The following TTF2 variants were observed in gnomAD, a reference collection of about 807,000 sequenced individuals.
TTF2 encodes the protein transcription termination factor 2.
In TTF2, 108 loss-of-function variants were observed where a neutral mutation model predicts 142.4. That is an observed-to-expected ratio of 0.76 (90% confidence interval 0.65 to 0.89). The LOEUF is 0.89. TTF2 is among the 40% of genes least tolerant of loss of function. The pLI, the probability that TTF2 is intolerant of heterozygous loss-of-function variation, is 0.00. For missense variants in TTF2, 1,327 were observed against 1,379.8 expected (o/e 0.96, Z 0.61); for synonymous variants, 483 against 506.2 (o/e 0.95, Z 0.61).
At chr1:117,089,220 T>TATATATGCAAA (rs1157868094) in intron 13 of TTF2, among the ~76,000 whole-genome samples, 3 of 148,818 alleles carry the variant, frequency 2.0e-5, no homozygotes, top group African/African-American at 7.4e-5. Flanking sequence ...TATAGGACTT[T>TATATATGCAAA]ATATATGCAA....
At chr1:117,081,668 A>G (rs1311545453) in intron 9 of TTF2, among the ~76,000 whole-genome samples, 160 bp from the exon 10 acceptor site, 1 of 152,262 alleles carries the variant, frequency 6.6e-6, no homozygotes, top group East Asian at 1.9e-4. Flanking sequence ...TCTGCTGAAT[A>G]AGGAAGATAA....
At position 117,092,768 on chromosome 1, in the gene TTF2, TC is replaced by T. The variant is rs776199971; in HGVS notation, c.2845del (p.Leu949PhefsTer10). 6.2e-7 allele frequency: 1 copy of T among 1,614,198 alleles called. No homozygotes were observed. The highest frequency in any genetic ancestry group is 8.5e-7 in the Non-Finnish European group (1 of 1,180,036). On this transcript the variant is annotated frameshift_variant, in exon 18 of 23. Coordinates refer to ENST00000369466, the MANE Select transcript of TTF2 (RefSeq NM_003594.4). LOFTEE classifies it high-confidence loss of function. This position sits in a 1 kb window ranked among gnomAD's most constrained non-coding sequence, Gnocchi z 4.4. ...ATGGAACTGAAGGGTGAAGGTCTTG[TC>T]CTTTCCCTGGAAGAACAGCTCAGTG... ...DPMELKGEGL[V>X]LSLEEQLSAL...
In TTF2 at chr1:117,076,548, A is replaced by G. The variant is rs1657022218; in HGVS notation, c.1391-93A>G. 7.5e-7 allele frequency: 1 copy of G among 1,335,120 alleles called. No individual in the cohort carries two copies. The highest frequency in any genetic ancestry group is 2.4e-5 in the Admixed American group (1 of 40,918). 82.7% of individuals were successfully genotyped at this position (1,335,120 alleles called of 1,614,324 possible). A position where few individuals can be genotyped will look rare whatever the true frequency, so the allele number is the denominator to read the frequency against. On this transcript the variant is annotated intron_variant, in intron 6 of 22. Coordinates refer to ENST00000369466, the MANE Select transcript of TTF2 (RefSeq NM_003594.4). This position sits in a 1 kb window ranked among gnomAD's most constrained non-coding sequence, Gnocchi z 4.6. ...CTAGGAATCCTTCATCGGAATGGTGATGATCCCTCTCTCTTGACCTCACCT... is the reference window on the plus strand; with the variant it reads ...CTAGGAATCCTTCATCGGAATGGTGGTGATCCCTCTCTCTTGACCTCACCT...
At chr1:117,084,462 C>G (rs112639782) in intron 11 of TTF2, among the ~76,000 whole-genome samples, 28 of 152,320 alleles carry the variant, frequency 1.8e-4, no homozygotes, top group African/African-American at 6.5e-4. Context: ...GGAGATGTGT[C>G]GCAAGGCCCT....
In TTF2 at chr1:117,075,174, A is replaced by G. The variant is rs1656889098; in HGVS notation, c.590A>G (p.Glu197Gly). 6.2e-7 allele frequency: 1 copy of G among 1,614,158 alleles called. No individual in the cohort carries two copies. The highest frequency in any genetic ancestry group is 8.5e-7 in the Non-Finnish European group (1 of 1,180,034). ...KQSVVQEKKQEEGAEIQCEAE... is the reference protein window; with the variant it reads ...KQSVVQEKKQGEGAEIQCEAE... ...TCTGTAGTTCAAGAGAAGAAGCAAG[A>G]AGAGGGAGCAGAGATTCAGTGTGAG... is the stretch of plus-strand genomic sequence containing the variant. The change falls in exon 5 of 23, where the codon GAA (glutamate) becomes GGA (glycine). Residue 197 changes from glutamate (E) to glycine (G), a missense_variant. Transcript: ENST00000369466. This position sits in a 1 kb window ranked among gnomAD's most constrained non-coding sequence, Gnocchi z 4.5.
intron 21 of TTF2, chr1:117,098,403 T>A (rs1169725626): frequency 6.5e-6 from 1 of 152,724 alleles, no homozygotes; most frequent in East Asian, 1.9e-4. Context: ...CCTAGAGGAC[T>A]GAGGTTAAAT....
At chr1:117,067,594 A>G (rs1373229505) in intron 3 of TTF2, among the ~76,000 whole-genome samples, 2 of 152,066 alleles carry the variant, frequency 1.3e-5, no homozygotes, top group Non-Finnish European at 2.9e-5. Flanking sequence ...TTAACACACA[A>G]CACATTAAAA....
At position 117,092,022 on chromosome 1, in the gene TTF2, C is replaced by T; in HGVS notation, c.2805+72C>T. Reference sequence around the variant, plus strand: ...CACCTGAGAAGTCAATTTCACTCTCCTCCAACTGGAATCCAGTCTGCTTGA... The same window carrying T: ...CACCTGAGAAGTCAATTTCACTCTCTTCCAACTGGAATCCAGTCTGCTTGA... On this transcript the variant is annotated intron_variant, in intron 17 of 22. Coordinates refer to ENST00000369466, the MANE Select transcript of TTF2 (RefSeq NM_003594.4). This position sits in a 1 kb window ranked among gnomAD's most constrained non-coding sequence, Gnocchi z 4.4. 6 of 1,458,500 alleles carry T rather than the reference C, an allele frequency of 4.1e-6. No individual in the cohort carries two copies. The highest frequency in any genetic ancestry group is 4.6e-6 in the Non-Finnish European group (5 of 1,081,198). The allele number at this position is 1,458,500 out of a possible 1,614,324, so 90.3% of individuals were successfully genotyped here.
Position 117,087,513 on chromosome 1 carries a change from G to A in TTF2, c.2160+991G>A, listed in dbSNP as rs879844563. On this transcript the variant is annotated intron_variant, in intron 12 of 22. Transcript: ENST00000369466. The surrounding 1 kb of genome is among the most constrained non-coding windows in gnomAD (Gnocchi z 4.8). The stretch of plus-strand genomic sequence containing the variant: ...TCGCCATGTTGGCCAGGCTGGTCTC[G>A]AATTCCTGACCTCAAGTGATCCACC... Among the ~76,000 whole-genome samples the A allele has an allele frequency of 3.9e-5, 6 of 152,084 alleles. No individual in the cohort carries two copies. Among genetic ancestry groups the A allele is most frequent in the Non-Finnish European group, 7.4e-5 (5 of 68,006 alleles).
chr1:117,074,870 G>T lies in TTF2; in HGVS notation c.286G>T (p.Asp96Tyr). The T allele has an allele frequency of 1.3e-6, 2 of 1,559,078 alleles. No homozygotes were observed. Among genetic ancestry groups the T allele is most frequent in the South Asian group, 1.2e-5 (1 of 81,660 alleles). The change falls in exon 5 of 23, where the codon GAT becomes TAT. Residue 96 changes from aspartate to tyrosine, a missense_variant and splice_region_variant. Physicochemically the swap from Asp to Tyr is radical, Grantham distance 160 (BLOSUM62 -3). Transcript: ENST00000369466. ...TGAAGATTAATTATTTTGTCTTTAG[G>T]ATCCTGATTCCAAAGAACATTCTGT... ...KRWCGSIPWQ[D>Y]PDSKEHSVSN...
chr1:117,082,511 C>A (rs148192533), intron 10 of TTF2, among the ~76,000 whole-genome samples: 1 of 152,206 alleles, frequency 6.6e-6, no homozygotes, highest in Non-Finnish European at 1.5e-5. Flanking sequence ...CCATGCCTGG[C>A]CAATAATTAT....
rs768830295 is a variant in TTF2 at position 117,107,043 on chromosome 1, C to G, written c.*5519C>G. ...CATAACGTACATCATAATGCTGCAT[C>G]TTGTTGACGCTTCAATGCTCACAAT... On this transcript the variant is annotated 3_prime_UTR_variant, in exon 23 of 23. Transcript: ENST00000369466. 4 of 152,174 alleles carry G rather than the reference C, an allele frequency of 2.6e-5. No individual in the cohort carries two copies. Among genetic ancestry groups the G allele is most frequent in the Admixed American group, 1.3e-4 (2 of 15,282 alleles). 9.4% of individuals were successfully genotyped at this position (152,174 alleles called of 1,614,324 possible). A position where few individuals can be genotyped will look rare whatever the true frequency, so the allele number is the denominator to read the frequency against.
chr1:117,079,997 A>G lies in TTF2; in HGVS notation c.1783+348A>G, dbSNP rs1274007016. ...AGAGCCAACACACAAACAGCAGTCT[A>G]TTGCCTCCCTCTTTTTTTTTTTTTT... is the stretch of plus-strand genomic sequence containing the variant. On this transcript the variant is annotated intron_variant, in intron 9 of 22. Transcript: ENST00000369466. This position sits in a 1 kb window ranked among gnomAD's most constrained non-coding sequence, Gnocchi z 4.2. 2.0e-5 allele frequency among the ~76,000 whole-genome samples: 3 copies of G among 147,632 alleles called. No individual in the cohort carries two copies. Among genetic ancestry groups the G allele is most frequent in the East Asian group, 2.0e-4 (1 of 5,024 alleles).
intron 10 of TTF2, among the ~76,000 whole-genome samples, chr1:117,083,051 A>G (rs1473949936): frequency 1.3e-5 from 2 of 151,838 alleles, no homozygotes; most frequent in Non-Finnish European, 2.9e-5. Flanking sequence ...GACCATCCTG[A>G]CTAATACGGT....
In TTF2 at chr1:117,076,130, C is replaced by A. The variant is rs764775522; in HGVS notation, c.1276-50C>A. On this transcript the variant is annotated intron_variant, in intron 5 of 22. Coordinates refer to ENST00000369466, the MANE Select transcript of TTF2 (RefSeq NM_003594.4). The surrounding 1 kb of genome is among the most constrained non-coding windows in gnomAD (Gnocchi z 4.6). ...CAGGCTATTTTAATCTGAAACTATT[C>A]ATCTAACAGTGTGAGAGGAGAGATC... is the stretch of plus-strand genomic sequence containing the variant. 2.6e-6 allele frequency: 4 copies of A among 1,531,816 alleles called. No individual in the cohort carries two copies. Among genetic ancestry groups the A allele is most frequent in the South Asian group, 1.1e-5 (1 of 87,764 alleles). The allele number at this position is 1,531,816 out of a possible 1,614,324, so 94.9% of individuals were successfully genotyped here.
chr1:117,060,397 TCCCGGGG>T, intron 1 of TTF2, 23 bp downstream of exon 1: 2 of 1,608,120 alleles, frequency 1.2e-6, no homozygotes, highest in Non-Finnish European at 1.7e-6. Context: ...GGTCTCAGCG[TCCCGGGG>T]CCTGTTGATT....
chr1:117,060,826 CCAGCTCTGGGTTT>C (rs1168178695), intron 2 of TTF2, among the ~76,000 whole-genome samples: 2 of 152,200 alleles, frequency 1.3e-5, no homozygotes, highest in African/African-American at 4.8e-5. Flanking sequence ...CCGGTGTTTT[CCAGCTCTGGGTTT>C]CTATTCACTT....
chr1:117,101,608 A>G lies in TTF2; in HGVS notation c.*84A>G. On this transcript the variant is annotated 3_prime_UTR_variant, in exon 23 of 23. Transcript: ENST00000369466. The surrounding 1 kb of genome is among the most constrained non-coding windows in gnomAD (Gnocchi z 5.9). ...ATAACAACCTAACCATGAGCCTTGA[A>G]CTCTGTTCTTTGCATTTCAATTTCA... 1 of 1,360,152 alleles carries G rather than the reference A, an allele frequency of 7.4e-7. No homozygotes were observed. Among genetic ancestry groups the G allele is most frequent in the Non-Finnish European group, 9.6e-7 (1 of 1,040,330 alleles). 84.3% of individuals were successfully genotyped at this position (1,360,152 alleles called of 1,614,324 possible). A position where few individuals can be genotyped will look rare whatever the true frequency, so the allele number is the denominator to read the frequency against.
Position 117,060,567 on chromosome 1 carries a change from G to C in TTF2, c.131+10G>C, listed in dbSNP as rs371861420. 1 of 1,596,272 alleles carries C rather than the reference G, an allele frequency of 6.3e-7. No homozygotes were observed. The highest frequency in any genetic ancestry group is 8.5e-7 in the Non-Finnish European group (1 of 1,170,852). ...TCGTGCGGGCCACCGAGTAGGTCTG[G>C]AGCTGGGCCCCACTCCCTGTGGCTG... On this transcript the variant is annotated intron_variant, in intron 2 of 22. Transcript: ENST00000369466.
Sources: gnomAD v4.1 joint callset for allele counts (sites outside exome capture counted in the v4.1 genomes callset) on GRCh38, gnomAD v4.1.1 for gene constraint, Gnocchi (gnomAD v3.1) non-coding constraint, MANE v1.5 for transcripts, NCBI Gene and HGNC (gene_info 2026-07-23, HGNC 2026-07-21) for gene names.